Variants in QPCT observed in about 807,000 individuals in gnomAD.
QPCT encodes EC.
In QPCT, 44 loss-of-function variants were observed where a neutral mutation model predicts 43.4. That is an observed-to-expected ratio of 1.01 (90% confidence interval 0.80 to 1.30). The LOEUF (loss-of-function observed/expected upper bound fraction) is 1.30. Among genes scored for constraint, QPCT ranks in the 50% most tolerant of loss-of-function variants. The pLI is 0.00. For synonymous variants in QPCT, 168 were observed against 168.4 expected (o/e 1.00, Z 0.02); for missense variants, 526 against 436.5 (o/e 1.21, Z -1.83).
chr2:37,370,458 A>C lies in QPCT; in HGVS notation c.823+674A>C, dbSNP rs190629010. On this transcript the variant is annotated intron_variant, in intron 5 of 6. Transcript: ENST00000338415. Reference sequence around the variant, plus strand: ...AGAATGCGTTTCGAGAGAAAAGTTTACTCAACAAAGCATGCTGGCTAATGA... The same window carrying C: ...AGAATGCGTTTCGAGAGAAAAGTTTCCTCAACAAAGCATGCTGGCTAATGA... Among the ~76,000 whole-genome samples, 555 of 152,344 alleles carry C rather than the reference A, an allele frequency of 3.6e-3. 1 individual carries two copies. Among genetic ancestry groups the C allele is most frequent in the Non-Finnish European group, 6.2e-3 (423 of 68,020 alleles).
At chr2:37,359,949 C>A in intron 3 of QPCT, 91 bp downstream of exon 3, 1 of 1,335,016 alleles carries the variant, frequency 7.5e-7, no homozygotes, top group Non-Finnish European at 1.0e-6. Flanking sequence ...ATGAGAAGGC[C>A]ATTTAGAAAT....
chr2:37,370,859 G>A (rs1026670010), intron 5 of QPCT, among the ~76,000 whole-genome samples: 2 of 152,194 alleles, frequency 1.3e-5, no homozygotes, highest in Non-Finnish European at 2.9e-5. Flanking sequence ...AGGCATCAGG[G>A]AAAGATGAAA....
At chr2:37,347,218 C>CATATATATATATAT (rs74206514) in intron 1 of QPCT, among the ~76,000 whole-genome samples, 2 of 62,392 alleles carry the variant, frequency 3.2e-5, no homozygotes, top group African/African-American at 1.5e-4. Flanking sequence ...ATATATATAA[C>CATATATATATATAT]ATATATATAT....
At position 37,348,048 on chromosome 2, in the gene QPCT, C is replaced by CTCTCTG. The variant is rs1389369751; in HGVS notation, c.120+3200_120+3201insCTGTCT. On this transcript the variant is annotated intron_variant, in intron 1 of 6. Coordinates refer to ENST00000338415, the MANE Select transcript of QPCT (RefSeq NM_012413.4). The stretch of plus-strand genomic sequence containing the variant: ...GGTGTTTTTATTTCTATCTCTCTCT[C>CTCTCTG]TCTGCGCGCGCACGCGTGTGTGTGT... Among the ~76,000 whole-genome samples, 6 of 137,888 alleles carry CTCTCTG rather than the reference C, an allele frequency of 4.4e-5. No individual in the cohort carries two copies. In the South Asian group the frequency reaches 1.5e-3, roughly 35 times the overall value. The allele number at this position is 137,888 out of a possible 152,430, so 90.5% of individuals were successfully genotyped here.
Position 37,369,716 on chromosome 2 carries a change from C to A in QPCT, c.755C>A (p.Ala252Asp). Residue 252 changes from alanine to aspartate, a missense_variant, in exon 5 of 7, where the codon GCT (alanine) becomes GAT (aspartate). By Grantham distance (126) the Ala-to-Asp change is moderately radical. Transcript: ENST00000338415. ...DLLVLLDLIG[A>D]PNPTFPNFFP... ...TTGGTCTTATTGGATTTGATTGGAG[C>A]TCCAAACCCAACGTTTCCCAATTTT... 1 of 1,607,570 alleles carries A rather than the reference C, an allele frequency of 6.2e-7. No homozygotes were observed. Among genetic ancestry groups the A allele is most frequent in the Non-Finnish European group, 8.5e-7 (1 of 1,173,986 alleles).
intron 4 of QPCT, among the ~76,000 whole-genome samples, chr2:37,368,955 T>A (rs3770744): frequency 0.35 from 53,210 of 151,864 alleles, 11,567 homozygotes; most frequent in East Asian, 0.93. Flanking sequence ...TCATGAATTT[T>A]TTCATACTAT....
chr2:37,360,237 C>T (rs76702535), intron 3 of QPCT, among the ~76,000 whole-genome samples: 5 of 152,152 alleles, frequency 3.3e-5, no homozygotes, highest in Non-Finnish European at 7.3e-5. Context: ...ACCTTCTGAT[C>T]TGAGAGATGG....
intron 2 of QPCT, 98 bp downstream of exon 2, chr2:37,353,033 G>C: frequency 7.3e-7 from 1 of 1,372,534 alleles, no homozygotes; most frequent in Non-Finnish European, 9.7e-7. Context: ...CTAATATTCA[G>C]ATCTGTCATC....
intron 2 of QPCT, among the ~76,000 whole-genome samples, chr2:37,354,818 C>A (rs1355088165): frequency 6.6e-6 from 1 of 152,126 alleles, no homozygotes; most frequent in Admixed American, 6.5e-5. Flanking sequence ...TCCCATTCAA[C>A]TCAACCTTTT....
intron 1 of QPCT, among the ~76,000 whole-genome samples, chr2:37,349,655 C>G (rs553277729): frequency 2.0e-5 from 3 of 152,272 alleles, no homozygotes; most frequent in African/African-American, 7.2e-5. Flanking sequence ...ATAGTGACTG[C>G]TTGGGTCAAC....
Position 37,344,756 on chromosome 2 carries a change from G to A in QPCT, c.25G>A (p.Val9Ile). 6.2e-7 allele frequency: 1 copy of A among 1,606,920 alleles called. No homozygotes were observed. Among genetic ancestry groups the A allele is most frequent in the Non-Finnish European group, 8.5e-7 (1 of 1,177,912 alleles). The part of the protein sequence containing the change: MAGGRHRR[V>I]VGTLHLLLLV... ...GATGGCAGGCGGAAGACACCGGCGC[G>A]TCGTGGGCACCCTCCACCTGCTGCT... The change falls in exon 1 of 7, where the codon GTC (valine) becomes ATC (isoleucine). Residue 9 changes from valine (V) to isoleucine (I), a missense_variant. Val to Ile is a conservative substitution (Grantham distance 29). Coordinates refer to ENST00000338415, the MANE Select transcript of QPCT (RefSeq NM_012413.4).
At chr2:37,347,179 A>ATATTATAT (rs1244639524) in intron 1 of QPCT, among the ~76,000 whole-genome samples, 1 of 50,774 alleles carries the variant, frequency 2.0e-5, no homozygotes, top group African/African-American at 1.1e-4. Flanking sequence ...ATATATATAT[A>ATATTATAT]ACATATATAT....
chr2:37,344,997 CGGA>C, intron 1 of QPCT, 146 bp downstream of exon 1: 5 of 1,218,996 alleles, frequency 4.1e-6, no homozygotes, highest in Non-Finnish European at 5.4e-6. Context: ...ACCCGGCGCC[CGGA>C]GGAGTCGGGG....
intron 3 of QPCT, among the ~76,000 whole-genome samples, chr2:37,366,345 C>T (rs867513997): frequency 1.3e-5 from 2 of 152,148 alleles, no homozygotes; most frequent in Admixed American, 1.3e-4. Flanking sequence ...GATTTTGCTT[C>T]TCATTCTATC....
Position 37,367,532 on chromosome 2 carries a change from A to G in QPCT, c.723+124A>G, listed in dbSNP as rs946635898. On this transcript the variant is annotated intron_variant, in intron 4 of 6. Coordinates refer to ENST00000338415, the MANE Select transcript of QPCT (RefSeq NM_012413.4). ...CTTGGAGCACAGTGTTTATGATAGAACATTCCTTGGCAGGCATTGGGTTTT... is the reference window on the plus strand; with the variant it reads ...CTTGGAGCACAGTGTTTATGATAGAGCATTCCTTGGCAGGCATTGGGTTTT... The G allele has an allele frequency of 7.0e-6, 7 of 992,968 alleles. No individual in the cohort carries two copies. The East Asian group carries it at 1.1e-4, about 16-fold the overall frequency. The allele number at this position is 992,968 out of a possible 1,614,324, so 61.5% of individuals were successfully genotyped here.
chr2:37,357,774 G>A (rs954637901), intron 2 of QPCT, among the ~76,000 whole-genome samples: 10 of 152,118 alleles, frequency 6.6e-5, no homozygotes, highest in African/African-American at 2.2e-4. Context: ...TTCCTTGGAA[G>A]CTTCCTGCCG....
intron 1 of QPCT, among the ~76,000 whole-genome samples, chr2:37,347,213 TATAACATATATATATAAC>T (rs757836335): frequency 2.0e-3 from 183 of 92,986 alleles, no homozygotes; most frequent in Non-Finnish European, 2.5e-3. Flanking sequence ...ATAACATATA[TATAACATATATATATAAC>T]ATATATATAT....
At chr2:37,348,994 T>A (rs1280228284) in intron 1 of QPCT, among the ~76,000 whole-genome samples, 1 of 152,258 alleles carries the variant, frequency 6.6e-6, no homozygotes, top group Non-Finnish European at 1.5e-5. Flanking sequence ...TAAATTTGTA[T>A]ATCTATTGAG....
At chr2:37,353,967 C>G (rs1220445338) in intron 2 of QPCT, among the ~76,000 whole-genome samples, 2 of 152,240 alleles carry the variant, frequency 1.3e-5, no homozygotes, top group African/African-American at 4.8e-5. Context: ...TGGGTTCACA[C>G]TATTCTCCTG....
Sources: allele counts gnomAD v4.1 joint callset (sites outside exome capture counted in the v4.1 genomes callset), GRCh38; gene constraint gnomAD v4.1.1; transcripts MANE v1.5; gene names NCBI Gene and HGNC (gene_info 2026-07-23, HGNC 2026-07-21).